PTRH1: variants seen among roughly 807,000 people sequenced by gnomAD.
The protein encoded by PTRH1 is peptidyl-tRNA hydrolase 1 homolog, also known as peptidyl-tRNA hydrolase.
A neutral mutation model predicts 15.7 loss-of-function variants in PTRH1; 13 were observed. The ratio of observed to expected loss-of-function variants is 0.83; its 90% CI spans 0.54 to 1.31. The LOEUF is 1.31. Ranked by LOEUF, PTRH1 falls within the 40% of genes most tolerant of loss-of-function variation. The pLI, the probability that PTRH1 is intolerant of heterozygous loss-of-function variation, is 0.00. For synonymous variants in PTRH1, 139 were observed against 136.7 expected, an observed-to-expected ratio of 1.02 and a Z score of -0.12; for missense variants, 319 against 296.2, an observed-to-expected ratio of 1.08 and a Z score of -0.56.
downstream of PTRH1, chr9:127,712,981 T>C (rs1168136541): frequency 6.2e-7 from 1 of 1,604,228 alleles, no homozygotes; most frequent in Non-Finnish European, 8.5e-7. Flanking sequence ...GAAACCTGGC[T>C]CGCCGAAGGC....
At position 127,705,475 on chromosome 9, in the gene PTRH1, C is replaced by G. The variant is rs1415298246; in HGVS notation, c.205+9960G>C. 6.6e-6 allele frequency among the ~76,000 whole-genome samples: 1 copy of G among 152,226 alleles called. No homozygotes were observed. The highest frequency in any genetic ancestry group is 2.1e-4 in the South Asian group (1 of 4,830). On this transcript the variant is annotated intron_variant, in intron 1 of 2. Transcript: ENST00000335223. This position sits in a 1 kb window ranked among gnomAD's most constrained non-coding sequence, Gnocchi z 4.7. ...TGCCACGTGGTGCTGACAAAGCCAT[C>G]CTGGTGCTGATGAAGGCGAGGAGGG...
chr9:127,694,803 G>A, intron 2 of PTRH1: 1 of 589,262 alleles, frequency 1.7e-6, no homozygotes, highest in South Asian at 2.2e-5. Flanking sequence ...GGAATTCCCT[G>A]CTCCTCCAAG....
At chr9:127,702,153 C>T (rs1385061296) in intron 1 of PTRH1, among the ~76,000 whole-genome samples, 2 of 152,064 alleles carry the variant, frequency 1.3e-5, no homozygotes, top group Non-Finnish European at 2.9e-5. Context: ...GTGGGCGGAT[C>T]ACGAGGTCAG....
downstream of PTRH1, chr9:127,710,462 G>A (rs534203062): frequency 1.7e-4 from 173 of 1,012,652 alleles, no homozygotes; most frequent in Admixed American, 5.5e-4. Flanking sequence ...GGGTAGGTGG[G>A]GGATGGTAGA....
rs760133377 is a variant in PTRH1 at position 127,715,564 on chromosome 9, G to A, written c.76C>T (p.Pro26Ser). ...CTCACCATCCACCGCTTCCCCGGGG[G>A]GCGAGGCTCCAAAACACATCGGCTC... is the stretch of plus-strand genomic sequence containing the variant. ...AMSRCVLEPR[P>S]PGKRWMVAGL... Residue 26 changes from proline to serine, a missense_variant, in exon 1 of 5, where the codon CCC becomes TCC. By Grantham distance (74) the Pro-to-Ser change is moderately conservative (BLOSUM62 -1). Transcript: ENST00000543175. The surrounding 1 kb of genome is among the most constrained non-coding windows in gnomAD (Gnocchi z 5.8). 4.2e-5 allele frequency: 68 copies of A among 1,613,428 alleles called. No homozygotes were observed. The highest frequency in any genetic ancestry group is 8.3e-5 in the Admixed American group (5 of 60,006).
Position 127,715,113 on chromosome 9 carries a change from GC to G in PTRH1, c.177del (p.Leu60TrpfsTer36). The G allele has an allele frequency of 6.5e-7, 1 of 1,534,336 alleles. No homozygotes were observed. Among genetic ancestry groups the G allele is most frequent in the South Asian group, 1.2e-5 (1 of 83,918 alleles). ...GMAVLGQLARRLGVAESWTRD... is the reference protein window; with the variant it reads ...GMAVLGQLARXLGVAESWTRD... The stretch of plus-strand genomic sequence containing the variant: ...CGCGTCCAACTCTCCGCCACACCCA[GC>G]CGCCGCGCCAGCTGCCCCAGCACCG... On this transcript the variant is annotated frameshift_variant, in exon 2 of 5. Transcript: ENST00000543175. LOFTEE classifies it high-confidence loss of function. The surrounding 1 kb of genome is among the most constrained non-coding windows in gnomAD (Gnocchi z 5.8).
rs1040296978 is a variant in PTRH1, at chr9:127,706,966, G to A, written c.205+8469C>T. 4.4e-5 allele frequency: 69 copies of A among 1,582,480 alleles called. No individual in the cohort carries two copies. In the African/African-American group the frequency reaches 5.1e-4, roughly 12 times the overall value. On this transcript the variant is annotated intron_variant, in intron 1 of 2. Coordinates refer to the PTRH1 transcript ENST00000335223. Reference sequence around the variant, plus strand: ...ACTCCCTCGGCCTGTTGCTATGTACGGGACCAGCTTCCTTAGCAACCACCT... The same window carrying A: ...ACTCCCTCGGCCTGTTGCTATGTACAGGACCAGCTTCCTTAGCAACCACCT...
downstream of PTRH1, chr9:127,709,834 C>A: frequency 2.9e-6 from 3 of 1,030,460 alleles, no homozygotes; most frequent in Non-Finnish European, 4.2e-6. The surrounding 1 kb of genome is among the most constrained non-coding windows in gnomAD (Gnocchi z 4.7). Flanking sequence ...AGCAATCCTA[C>A]GAAGCTGGAA....
At chr9:127,708,182 TAAAACAAC>T (rs1448297285) in intron 1 of PTRH1, among the ~76,000 whole-genome samples, 1 of 152,142 alleles carries the variant, frequency 6.6e-6, no homozygotes, top group Non-Finnish European at 1.5e-5. Context: ...AATTATGATG[TAAAACAAC>T]TTTCCAGGCC....
intron 1 of PTRH1, among the ~76,000 whole-genome samples, chr9:127,699,809 T>C (rs894194939): frequency 3.3e-5 from 5 of 152,144 alleles, no homozygotes; most frequent in African/African-American, 4.8e-5. Context: ...TCAGTGTCTA[T>C]TGCATAATGG....
chr9:127,711,748 G>A (rs904060823), downstream of PTRH1: 50 of 1,505,092 alleles, frequency 3.3e-5, no homozygotes, highest in African/African-American at 6.9e-5. Flanking sequence ...AGGGGAACAC[G>A]GGAGGCCTGG....
chr9:127,715,267 C>A lies in PTRH1; in HGVS notation c.97-73G>T, dbSNP rs1317096979. The A allele has an allele frequency of 1.4e-6, 2 of 1,475,740 alleles. No individual in the cohort carries two copies. The highest frequency in any genetic ancestry group is 9.2e-7 in the Non-Finnish European group (1 of 1,092,030). The allele number at this position is 1,475,740 out of a possible 1,614,324, so 91.4% of individuals were successfully genotyped here. A position where few individuals can be genotyped will look rare whatever the true frequency, so the allele number is the denominator to read the frequency against. ...CCGATCTCACAGCGTCCCGTGGGCC[C>A]CAACGCAGAGGAGCGGAAACGCAGA... is the stretch of plus-strand genomic sequence containing the variant. On this transcript the variant is annotated intron_variant, in intron 1 of 4. Coordinates refer to ENST00000543175, the MANE Select transcript of PTRH1 (RefSeq NM_001002913.3). The surrounding 1 kb of genome is among the most constrained non-coding windows in gnomAD (Gnocchi z 5.8).
rs528291105 is a variant in PTRH1, at chr9:127,701,738, A to G, written c.206-6597T>C. Among the ~76,000 whole-genome samples, 12 of 152,052 alleles carry G rather than the reference A, an allele frequency of 7.9e-5. No individual in the cohort carries two copies. The South Asian group carries it at 1.7e-3, about 21-fold the overall frequency. On this transcript the variant is annotated intron_variant, in intron 1 of 2. Transcript: ENST00000335223. ...ACCAGCCTGACCAACATGGAGAAAT[A>G]CCGGTGTCTCCACTGAAAACACAAA...
In PTRH1 at chr9:127,707,196, C is replaced by G. The variant is rs773825118; in HGVS notation, c.205+8239G>C. ...ACCTGGAGGACCGGCTAGCCCGGTG[C>G]GTGGGCTGGCGGGCAGGAGTCTGGT... On this transcript the variant is annotated intron_variant, in intron 1 of 2. Coordinates refer to the PTRH1 transcript ENST00000335223. 4.4e-6 allele frequency: 7 copies of G among 1,608,968 alleles called. No individual in the cohort carries two copies. The Admixed American group carries it at 1.2e-4, about 27-fold the overall frequency.
downstream of PTRH1, chr9:127,712,854 C>A: frequency 6.2e-7 from 1 of 1,612,392 alleles, no homozygotes; most frequent in Non-Finnish European, 8.5e-7. Context: ...GAGTCACAGT[C>A]CCATGGCCCA....
chr9:127,704,411 A>AG (rs1312971695), intron 1 of PTRH1, among the ~76,000 whole-genome samples: 2 of 149,612 alleles, frequency 1.3e-5, no homozygotes, highest in East Asian at 4.1e-4. Flanking sequence ...CGGGAGGCTG[A>AG]GGCAGGAGAA....
chr9:127,709,543 G>T, downstream of PTRH1: 1 of 1,614,138 alleles, frequency 6.2e-7, no homozygotes, highest in Non-Finnish European at 8.5e-7. This position sits in a 1 kb window ranked among gnomAD's most constrained non-coding sequence, Gnocchi z 4.7. Flanking sequence ...CAACCAGCAG[G>T]TGGATGAGAT....
chr9:127,714,157 G>T lies in PTRH1; in HGVS notation c.588C>A (p.Thr196=), dbSNP rs144597665. 5 of 1,613,838 alleles carry T rather than the reference G, an allele frequency of 3.1e-6. No homozygotes were observed. The highest frequency in any genetic ancestry group is 1.7e-5 in the Admixed American group (1 of 60,012). Residue 196 remains threonine, a synonymous_variant, in exon 5 of 5, where the codon ACC becomes ACA. Transcript: ENST00000543175. ...CACGGATGTGGTCCAAGATCAGGTC[G>T]GTGGCTCGATCCAGCAACAGAGGCA... is the stretch of plus-strand genomic sequence containing the variant. ...ELLPLLLDRA[T]DLILDHIRER...
downstream of PTRH1, chr9:127,711,542 G>A: frequency 1.3e-6 from 2 of 1,588,912 alleles, no homozygotes; most frequent in Non-Finnish European, 8.6e-7. Flanking sequence ...TGCAAGGCAG[G>A]AGGCCGCCCT....
Sources: allele counts gnomAD v4.1 joint callset (sites outside exome capture counted in the v4.1 genomes callset), GRCh38; gene constraint gnomAD v4.1.1; non-coding constraint Gnocchi (gnomAD v3.1); transcripts MANE v1.5; gene names NCBI Gene and HGNC (gene_info 2026-07-23, HGNC 2026-07-21).